Variants in DPH6 observed in about 807,000 individuals in gnomAD.
DPH6 encodes the protein diphthamine biosynthesis 6, also known as diphthine--ammonia ligase.
A neutral mutation model predicts 38.2 loss-of-function variants in DPH6; 33 were observed. That is an observed-to-expected ratio of 0.86 (90% confidence interval 0.65 to 1.15). The LOEUF is 1.15. Ranked by LOEUF, DPH6 falls within the 50% of genes most tolerant of loss-of-function variation. The probability of loss-of-function intolerance (pLI) is 0.00; values close to 1 mark genes in which losing one functional copy is unlikely to be tolerated. For missense variants in DPH6, 325 were observed against 320.0 expected (o/e 1.02, Z -0.12); for synonymous variants, 108 against 103.0 (o/e 1.05, Z -0.30).
At chr15:35,328,136 A>G (rs1595481097), downstream of DPH6, among the ~76,000 whole-genome samples, 2 of 152,108 alleles carry the variant, frequency 1.3e-5, no homozygotes, top group South Asian at 4.1e-4. Flanking sequence ...AATGAGCTCC[A>G]TATTTCCTCA....
At chr15:35,299,138 CAT>C in intron 3 of DPH6, 1 of 1,149,460 alleles carries the variant, frequency 8.7e-7, no homozygotes, top group Non-Finnish European at 1.3e-6. Context: ...CGTTAGGAAA[CAT>C]AGGATCATAT....
intron 3 of DPH6, among the ~76,000 whole-genome samples, chr15:35,319,324 A>G (rs2052219839): frequency 6.6e-6 from 1 of 152,228 alleles, no homozygotes; most frequent in Non-Finnish European, 1.5e-5. Flanking sequence ...CTGAAAAAAA[A>G]GCATTAAAAA....
At chr15:35,394,107 A>C (rs1467162559) in intron 6 of DPH6, among the ~76,000 whole-genome samples, 1 of 152,052 alleles carries the variant, frequency 6.6e-6, no homozygotes, top group Non-Finnish European at 1.5e-5. Flanking sequence ...TAAGTTATAA[A>C]TATCCCTCAC....
In DPH6 at chr15:35,372,132, A is replaced by T; in HGVS notation, c.*18T>A. The T allele has an allele frequency of 7.9e-6, 12 of 1,519,462 alleles. No individual in the cohort carries two copies. The highest frequency in any genetic ancestry group is 1.1e-5 in the Non-Finnish European group (12 of 1,135,352). 94.1% of individuals were successfully genotyped at this position (1,519,462 alleles called of 1,614,324 possible). On this transcript the variant is annotated 3_prime_UTR_variant, in exon 9 of 9. Transcript: ENST00000256538. The stretch of plus-strand genomic sequence containing the variant: ...GTATAGAAATGGTGGTTTAATGAAC[A>T]ATGTTCCAAAACACTTTTCAAAAAT...
At chr15:35,150,767 A>G in the DPH6 span, among the ~76,000 whole-genome samples, 1,997 of 152,354 alleles carry the variant, frequency 0.013, 39 homozygotes, top group African/African-American at 0.039. Flanking sequence ...CCTGCCACAT[A>G]GCCATGTAAA....
chr15:35,231,243 G>A (rs1029993484), intron 3 of DPH6, among the ~76,000 whole-genome samples: 13 of 152,230 alleles, frequency 8.5e-5, no homozygotes, highest in African/African-American at 2.7e-4. Context: ...CCCTCCTTGG[G>A]TGGGTGTCAA....
chr15:35,220,163 A>G (rs1226602527), exon 4 of DPH6: 3 of 152,200 alleles, frequency 2.0e-5, no homozygotes, highest in African/African-American at 4.8e-5. Context: ...TCTGTCTACT[A>G]TAATTTTTTT....
the DPH6 span, among the ~76,000 whole-genome samples, chr15:35,192,970 C>A: frequency 6.6e-6 from 1 of 152,266 alleles, no homozygotes; most frequent in Non-Finnish European, 1.5e-5. Flanking sequence ...GAGGAGGAGA[C>A]AGAGATATAA....
the DPH6 span, among the ~76,000 whole-genome samples, chr15:35,176,429 C>T: frequency 6.6e-6 from 1 of 151,838 alleles, no homozygotes; most frequent in African/African-American, 2.4e-5. Flanking sequence ...TTCATTCCCA[C>T]CTTGTCAGGG....
the DPH6 span, among the ~76,000 whole-genome samples, chr15:35,145,569 C>A: frequency 6.6e-6 from 1 of 152,222 alleles, no homozygotes; most frequent in East Asian, 1.9e-4. Context: ...TACACTTGCG[C>A]AGAAAACAAA....
chr15:35,285,871 A>ATTTTTTT (rs1566859769), intron 3 of DPH6, among the ~76,000 whole-genome samples: 3 of 2,864 alleles, frequency 1.0e-3, no homozygotes, highest in Non-Finnish European at 3.0e-3. Context: ...TTTATCTTTG[A>ATTTTTTT]GTTTTTTTTT....
At chr15:35,203,597 C>T in the DPH6 span, among the ~76,000 whole-genome samples, 1 of 151,574 alleles carries the variant, frequency 6.6e-6, no homozygotes. Context: ...CAATATATAG[C>T]TACCAAATAA....
intron 5 of DPH6, among the ~76,000 whole-genome samples, chr15:35,423,098 T>C (rs1221377800): frequency 6.6e-6 from 1 of 151,906 alleles, no homozygotes; most frequent in Non-Finnish European, 1.5e-5. Flanking sequence ...TGCCGGATCA[T>C]ACAGTAGTTA....
the DPH6 span, among the ~76,000 whole-genome samples, chr15:35,176,787 G>C: frequency 1.3e-5 from 2 of 152,048 alleles, no homozygotes; most frequent in Non-Finnish European, 2.9e-5. Context: ...GTCTTTTAAT[G>C]AATCTATTGT....
At chr15:35,186,897 A>G in the DPH6 span, among the ~76,000 whole-genome samples, 1 of 152,244 alleles carries the variant, frequency 6.6e-6, no homozygotes, top group Non-Finnish European at 1.5e-5. Context: ...AAAATTAAAA[A>G]TAGAAATAAA....
At chr15:35,215,228 C>A (rs944083498), downstream of DPH6, among the ~76,000 whole-genome samples, 3 of 152,126 alleles carry the variant, frequency 2.0e-5, no homozygotes, top group Non-Finnish European at 2.9e-5. Context: ...AGTCAAGAGT[C>A]CCTAACAAAT....
At chr15:35,520,462 T>C (rs2054908033) in intron 3 of DPH6, 5 of 983,942 alleles carry the variant, frequency 5.1e-6, no homozygotes, top group Non-Finnish European at 4.8e-6. Context: ...GTTCCATATA[T>C]TTTCTATTCT....
intron 3 of DPH6, among the ~76,000 whole-genome samples, chr15:35,481,762 T>A (rs2141150712): frequency 6.6e-6 from 1 of 152,308 alleles, no homozygotes; most frequent in South Asian, 2.1e-4. Context: ...TAATTGTAGC[T>A]GGCTAATAAG....
chr15:35,273,860 C>G (rs2051839575), intron 3 of DPH6, among the ~76,000 whole-genome samples: 1 of 152,174 alleles, frequency 6.6e-6, no homozygotes, highest in African/African-American at 2.4e-5. Context: ...GTGCTACTCC[C>G]ATCAAGCTAC....
Sources: allele counts gnomAD v4.1 joint callset (sites outside exome capture counted in the v4.1 genomes callset), GRCh38; gene constraint gnomAD v4.1.1; transcripts MANE v1.5; gene names NCBI Gene and HGNC (gene_info 2026-07-23, HGNC 2026-07-21).